Variants in SF3B2 observed in about 807,000 individuals in gnomAD.
The protein encoded by SF3B2 is splicing factor 3b subunit 2, also known as SAP 145.
SF3B2 carries 22 observed loss-of-function variants against 116.3 expected under a neutral mutation model. That is an observed-to-expected ratio of 0.19 (90% CI 0.14 to 0.27). SF3B2 has a LOEUF of 0.27. SF3B2 is among the 10% of genes least tolerant of loss of function. SF3B2 has a pLI of 1.00. For synonymous variants in SF3B2, 406 were observed against 421.6 expected (o/e 0.96, Z 0.45); for missense variants, 767 against 1,151.4 (o/e 0.67, Z 4.83).
intron 19 of SF3B2, 41 bp downstream of exon 19, chr11:66,063,770 T>G (rs1304118367): frequency 1.3e-6 from 2 of 1,490,606 alleles, no homozygotes; most frequent in East Asian, 4.6e-5. Context: ...GGACCTTCAC[T>G]TCCCTTTGGC....
chr11:66,054,502 G>C (rs1642958), intron 3 of SF3B2, among the ~76,000 whole-genome samples: 61,140 of 150,222 alleles, frequency 0.41, 13,611 homozygotes, highest in South Asian at 0.66. Flanking sequence ...AATACAGCTT[G>C]AATACAAGGA....
At chr11:66,068,408 C>A in intron 21 of SF3B2, 75 bp downstream of exon 21, 1 of 1,433,692 alleles carries the variant, frequency 7.0e-7, no homozygotes, top group East Asian at 2.4e-5. Flanking sequence ...GCATGGTGCC[C>A]TCTAGTGGTG....
At position 66,068,414 on chromosome 11, in the gene SF3B2, T is replaced by G. The variant is rs1464218127; in HGVS notation, c.2616+81T>G. 4.3e-6 allele frequency: 6 copies of G among 1,389,406 alleles called. No homozygotes were observed. In the African/African-American group the frequency reaches 8.6e-5, roughly 20 times the overall value. 86.1% of individuals were successfully genotyped at this position (1,389,406 alleles called of 1,614,324 possible). A position where few individuals can be genotyped will look rare whatever the true frequency, so the allele number is the denominator to read the frequency against. On this transcript the variant is annotated intron_variant, in intron 21 of 21. Coordinates refer to ENST00000322535, the MANE Select transcript of SF3B2 (RefSeq NM_006842.3). Reference sequence around the variant, plus strand: ...TTTTCAGTGGCATGGTGCCCTCTAGTGGTGAGAGTGAGGGTGGCCTCTGCT... The same window carrying G: ...TTTTCAGTGGCATGGTGCCCTCTAGGGGTGAGAGTGAGGGTGGCCTCTGCT...
chr11:66,057,094 C>A, intron 6 of SF3B2, 139 bp downstream of exon 6: 1 of 836,304 alleles, frequency 1.2e-6, no homozygotes. Flanking sequence ...ACTGAACACA[C>A]CTGTACAACC....
At position 66,069,210 on chromosome 11, in the gene SF3B2, A is replaced by C. The variant is rs1857245920; in HGVS notation, c.*465A>C. On this transcript the variant is annotated 3_prime_UTR_variant, in exon 22 of 22. Transcript: ENST00000322535. ...AGAGGAAGTAACAGTGGGCTTGGGAAGTAGGCCAGGGCAGGCCTTCCCAAC... is the reference window on the plus strand; with the variant it reads ...AGAGGAAGTAACAGTGGGCTTGGGACGTAGGCCAGGGCAGGCCTTCCCAAC... 1 of 361,942 alleles carries C rather than the reference A, an allele frequency of 2.8e-6. No individual in the cohort carries two copies. Among genetic ancestry groups the C allele is most frequent in the Non-Finnish European group, 5.6e-6 (1 of 179,258 alleles). The allele number at this position is 361,942 out of a possible 1,614,324, so 22.4% of individuals were successfully genotyped here.
In SF3B2 at chr11:66,055,309, C is replaced by G; in HGVS notation, c.492C>G (p.Ala164=). ...TGCTGATGCAGCAGGAGGAGCGTGC[C>G]AAGCAGGTAGGGCAGGTGGCAGCCC... ...AALLMQQEER[A]KQQGDHSLKE... Residue 164 remains alanine, a synonymous_variant, in exon 4 of 22, where the codon GCC becomes GCG. Transcript: ENST00000322535. 2 of 1,611,910 alleles carry G rather than the reference C, an allele frequency of 1.2e-6. No individual in the cohort carries two copies. The highest frequency in any genetic ancestry group is 1.3e-5 in the African/African-American group (1 of 75,032).
In SF3B2 at chr11:66,067,932, ATTGTC is replaced by A; in HGVS notation, c.2331-13_2331-9del. 6.2e-7 allele frequency: 1 copy of A among 1,611,028 alleles called. No individual in the cohort carries two copies. Among genetic ancestry groups the A allele is most frequent in the Non-Finnish European group, 8.5e-7 (1 of 1,178,584 alleles). On this transcript the variant is annotated splice_polypyrimidine_tract_variant and intron_variant, in intron 19 of 21. Transcript: ENST00000322535. The stretch of plus-strand genomic sequence containing the variant: ...TCCCTTGCTTTTTGGGCCTGATCCC[ATTGTC>A]CTTCGCAGAAGTGAGACACCTCAGC...
chr11:66,063,356 G>A, intron 17 of SF3B2, 44 bp from the exon 18 acceptor site: 2 of 1,571,712 alleles, frequency 1.3e-6, no homozygotes, highest in Non-Finnish European at 1.7e-6. Flanking sequence ...CACATAATAG[G>A]TACTTAGAAA....
At chr11:66,056,098 G>C (rs576836) in intron 5 of SF3B2, among the ~76,000 whole-genome samples, 61,684 of 151,986 alleles carry the variant, frequency 0.41, 13,666 homozygotes, top group South Asian at 0.63. Flanking sequence ...TAAAAAGTAA[G>C]TGTTAAAAAG....
chr11:66,058,689 C>G, intron 9 of SF3B2, 141 bp from the exon 10 acceptor site: 3 of 727,412 alleles, frequency 4.1e-6, no homozygotes, highest in Non-Finnish European at 6.8e-6. Context: ...AAGGCCCCTT[C>G]GCAGCTACTT....
rs772471988 is a variant in SF3B2 at position 66,055,207 on chromosome 11, G to A, written c.390G>A (p.Pro130=). The part of the protein sequence containing the change: ...PMAHPPNLGP[P]PPLRVGEPVA... ...CCCACCCACCAAATTTGGGGCCCCC[G>A]CCTCCTCTCCGTGTGGGTGAGCCAG... The change falls in exon 4 of 22, where the codon CCG becomes CCA. Residue 130 remains proline (P), a synonymous_variant. Coordinates refer to ENST00000322535, the MANE Select transcript of SF3B2 (RefSeq NM_006842.3). 2.1e-6 allele frequency: 3 copies of A among 1,460,246 alleles called. No homozygotes were observed. Among genetic ancestry groups the A allele is most frequent in the East Asian group, 6.1e-5 (2 of 32,980 alleles). The allele number at this position is 1,460,246 out of a possible 1,614,324, so 90.5% of individuals were successfully genotyped here.
At chr11:66,057,065 G>T (rs1857011167) in intron 6 of SF3B2, 110 bp downstream of exon 6, 1 of 870,338 alleles carries the variant, frequency 1.1e-6, no homozygotes, top group Admixed American at 2.0e-5. Context: ...TAAATATATA[G>T]TTTAATGGTT....
rs774105041 is a variant in SF3B2, at chr11:66,068,676, A to G, written c.2619A>G (p.Gln873=). 3.7e-6 allele frequency: 6 copies of G among 1,613,984 alleles called. No homozygotes were observed. In the East Asian group the frequency reaches 6.7e-5, roughly 18 times the overall value. ...TGTGTCTCTTTCTCCCTATACAGCA[A>G]AAAAAACGGAAAGCTCAGCCCCAGG... ...MVAEHAAKQK[Q]KKRKAQPQDS... Residue 873 remains glutamine, a splice_region_variant and synonymous_variant, in exon 22 of 22, where the codon CAA becomes CAG. Transcript: ENST00000322535.
chr11:66,062,908 C>A, intron 16 of SF3B2, 101 bp from the exon 17 acceptor site: 1 of 622,188 alleles, frequency 1.6e-6, no homozygotes, highest in Non-Finnish European at 2.6e-6. Flanking sequence ...TTCCGGAGTT[C>A]CCAAGTATCA....
At chr11:66,058,017 C>T in intron 7 of SF3B2, 37 bp from the exon 8 acceptor site, 1 of 1,392,836 alleles carries the variant, frequency 7.2e-7, no homozygotes, top group Non-Finnish European at 9.9e-7. Context: ...AAAAAGGGCA[C>T]TGTGATTTGC....
chr11:66,064,404 T>C (rs1218147597), intron 19 of SF3B2, among the ~76,000 whole-genome samples: 3 of 152,212 alleles, frequency 2.0e-5, no homozygotes, highest in Non-Finnish European at 4.4e-5. Flanking sequence ...TTACACTGCT[T>C]CCAGATAGTA....
intron 6 of SF3B2, 106 bp downstream of exon 6, chr11:66,057,061 T>C: frequency 2.2e-6 from 2 of 889,112 alleles, no homozygotes; most frequent in East Asian, 2.5e-5. Flanking sequence ...ATAGTAAATA[T>C]ATAGTTTAAT....
At chr11:66,053,227 C>A in intron 3 of SF3B2, 123 bp downstream of exon 3, 1 of 918,106 alleles carries the variant, frequency 1.1e-6, no homozygotes, top group South Asian at 1.3e-5. Context: ...ACTCGCCTGA[C>A]CTGAGTGGGG....
Position 66,058,888 on chromosome 11 carries a change from T to C in SF3B2, c.1025T>C (p.Val342Ala). Residue 342 changes from valine to alanine, a missense_variant, in exon 10 of 22, where the codon GTG becomes GCG. Val to Ala is a moderately conservative substitution (Grantham distance 64, BLOSUM62 0). This residue lies in a region of SF3B2 where 455 missense variants were observed against 537.5 expected (regional missense o/e 0.85). Coordinates refer to ENST00000322535, the MANE Select transcript of SF3B2 (RefSeq NM_006842.3). ...KKKKPQRVRGVSSESSGDREK... is the reference protein window; with the variant it reads ...KKKKPQRVRGASSESSGDREK... ...AAAAAGCCCCAGCGGGTGCGAGGGG[T>C]GTCCTCTGAGAGCTCTGGGGACCGG... 1 of 1,613,704 alleles carries C rather than the reference T, an allele frequency of 6.2e-7. No individual in the cohort carries two copies.
Sources: gnomAD v4.1 joint callset for allele counts (sites outside exome capture counted in the v4.1 genomes callset) on GRCh38, gnomAD v4.1.1 for gene constraint, gnomAD v4.1.1 regional missense constraint, MANE v1.5 for transcripts, NCBI Gene and HGNC (gene_info 2026-07-23, HGNC 2026-07-21) for gene names.